GABRB3: variants seen among roughly 807,000 people sequenced by gnomAD.
GABRB3 encodes the protein gamma-aminobutyric acid type A receptor subunit beta3.
A neutral mutation model predicts 52.1 loss-of-function variants in GABRB3; 14 were observed. The observed-to-expected ratio is 0.27, with a 90% CI of 0.18 to 0.42. The LOEUF is 0.42. Ranked by LOEUF, GABRB3 falls within the 10% of genes least tolerant of loss-of-function variation. GABRB3 has a pLI of 1.00. For synonymous variants in GABRB3, 260 were observed against 232.3 expected (o/e 1.12, Z -1.08); for missense variants, 307 against 609.1 (o/e 0.50, Z 5.22).
At chr15:26,717,898 T>C (rs116007975) in intron 3 of GABRB3, among the ~76,000 whole-genome samples, 238 of 152,378 alleles carry the variant, frequency 1.6e-3, no homozygotes, top group African/African-American at 5.7e-3. Flanking sequence ...CCTTGATCCT[T>C]GTAAATGATA....
chr15:26,568,684 G>GTGGTTTTTTTTT (rs373552704), intron 6 of GABRB3, among the ~76,000 whole-genome samples: 232 of 133,726 alleles, frequency 1.7e-3, no homozygotes, highest in Non-Finnish European at 2.6e-3. Flanking sequence ...TTTTTTTTTG[G>GTGGTTTTTTTTT]TTTTGTATGT....
chr15:26,645,881 TC>T (rs1202486704), intron 3 of GABRB3, among the ~76,000 whole-genome samples: 2 of 151,914 alleles, frequency 1.3e-5, no homozygotes, highest in Non-Finnish European at 2.9e-5. Context: ...ATCCTCAGCC[TC>T]CCAATGGTCT....
intron 3 of GABRB3, among the ~76,000 whole-genome samples, chr15:26,685,260 G>T (rs1273689666): frequency 6.6e-6 from 1 of 152,204 alleles, no homozygotes; most frequent in Non-Finnish European, 1.5e-5. Context: ...CGTCTTCTCA[G>T]TGTCTGCTTA....
At chr15:26,575,787 T>C (rs1274030711) in intron 6 of GABRB3, among the ~76,000 whole-genome samples, 1 of 152,252 alleles carries the variant, frequency 6.6e-6, no homozygotes, top group Non-Finnish European at 1.5e-5. Flanking sequence ...TTATTCATTT[T>C]GCACCCTTCT....
At chr15:26,694,411 C>T (rs1951055149) in intron 3 of GABRB3, among the ~76,000 whole-genome samples, 1 of 152,130 alleles carries the variant, frequency 6.6e-6, no homozygotes, top group African/African-American at 2.4e-5. Flanking sequence ...TGTGTAATAA[C>T]AAGGAATCAC....
At chr15:26,565,721 C>G (rs1179935451) in intron 7 of GABRB3, among the ~76,000 whole-genome samples, 1 of 152,088 alleles carries the variant, frequency 6.6e-6, no homozygotes, top group East Asian at 1.9e-4. Flanking sequence ...CTGGGAAATT[C>G]AGATATGCAC....
chr15:26,593,195 A>G (rs1279637647), intron 4 of GABRB3, among the ~76,000 whole-genome samples: 1 of 152,176 alleles, frequency 6.6e-6, no homozygotes, highest in Admixed American at 6.6e-5. Flanking sequence ...AGAGGAGATG[A>G]TAGATACTGA....
rs907422047 is a variant in GABRB3 at position 26,616,115 on chromosome 15, G to A, written c.461+5199C>T. On this transcript the variant is annotated intron_variant, in intron 4 of 8. Transcript: ENST00000311550. ...TGGGTTACACACACTGGCCCACTCC[G>A]GGCCTGCCATGTCACCATCCAGCCA... is the stretch of plus-strand genomic sequence containing the variant. The A allele has an allele frequency of 4.3e-5, 55 of 1,275,574 alleles. No homozygotes were observed. In the Admixed American group the frequency reaches 9.0e-4, roughly 21 times the overall value. 79.0% of individuals were successfully genotyped at this position (1,275,574 alleles called of 1,614,324 possible). A position where few individuals can be genotyped will look rare whatever the true frequency, so the allele number is the denominator to read the frequency against.
intron 4 of GABRB3, among the ~76,000 whole-genome samples, chr15:26,598,744 G>A (rs1811093490): frequency 6.6e-6 from 1 of 152,058 alleles, no homozygotes; most frequent in Admixed American, 6.6e-5. Flanking sequence ...AACATTAGGG[G>A]GAAATAACAT....
chr15:26,650,592 G>C (rs1283675357), intron 3 of GABRB3, among the ~76,000 whole-genome samples: 1 of 151,996 alleles, frequency 6.6e-6, no homozygotes, highest in Non-Finnish European at 1.5e-5. Context: ...TTAAAGCCTG[G>C]AAGCTAAATT....
At chr15:26,701,921 A>G (rs1210661856) in intron 3 of GABRB3, among the ~76,000 whole-genome samples, 1 of 152,246 alleles carries the variant, frequency 6.6e-6, no homozygotes, top group Non-Finnish European at 1.5e-5. Flanking sequence ...GTCCAGAAAT[A>G]GACTGAAACA....
At position 26,757,638 on chromosome 15, in the gene GABRB3, C is replaced by CTA. The variant is rs1469067933; in HGVS notation, c.240+14762_240+14763dup. 7.2e-5 allele frequency among the ~76,000 whole-genome samples: 11 copies of CTA among 152,310 alleles called. No individual in the cohort carries two copies. The South Asian group carries it at 2.1e-3, about 29-fold the overall frequency. On this transcript the variant is annotated intron_variant, in intron 3 of 8. Transcript: ENST00000311550. ...AGGAAAGAGACAGTACAAGAATACA[C>CTA]TAATCAACACGGAGCAATTGAACTA... is the stretch of plus-strand genomic sequence containing the variant.
At chr15:26,679,253 C>T (rs187599163) in intron 3 of GABRB3, among the ~76,000 whole-genome samples, 1 of 152,208 alleles carries the variant, frequency 6.6e-6, no homozygotes, top group Non-Finnish European at 1.5e-5. Flanking sequence ...TAGCCCCTCA[C>T]TCACTGAGCA....
At chr15:26,767,564 G>A (rs1467484236) in intron 3 of GABRB3, among the ~76,000 whole-genome samples, 11 of 152,118 alleles carry the variant, frequency 7.2e-5, no homozygotes, top group African/African-American at 2.2e-4. Flanking sequence ...GAGGCTAGAC[G>A]TTCCCAGGGA....
At chr15:26,578,390 G>A (rs1890670034) in intron 6 of GABRB3, among the ~76,000 whole-genome samples, 1 of 152,168 alleles carries the variant, frequency 6.6e-6, no homozygotes, top group Non-Finnish European at 1.5e-5. Flanking sequence ...ACATGATACT[G>A]CATTCTGGTA....
intron 3 of GABRB3, among the ~76,000 whole-genome samples, chr15:26,754,117 G>C (rs967419025): frequency 2.6e-5 from 4 of 152,180 alleles, no homozygotes; most frequent in Admixed American, 6.5e-5. Context: ...TGATTTAAAG[G>C]AGATAGAGGG....
chr15:26,581,345 T>C (rs1890781148), intron 5 of GABRB3: 1 of 152,270 alleles, frequency 6.6e-6, no homozygotes, highest in Admixed American at 6.5e-5. Flanking sequence ...TTAATGTTAG[T>C]CAAACAAATG....
At chr15:26,561,667 G>A (rs11631940) in intron 7 of GABRB3, among the ~76,000 whole-genome samples, 31,865 of 152,206 alleles carry the variant, frequency 0.21, 3,549 homozygotes, top group Admixed American at 0.26. Context: ...GGCAGCCTGT[G>A]AGAAGAAAAT....
chr15:26,690,745 A>C (rs11635417), intron 3 of GABRB3, among the ~76,000 whole-genome samples: 80,798 of 151,314 alleles, frequency 0.53, 23,632 homozygotes, highest in East Asian at 0.85. Context: ...AGGGAGAAAA[A>C]GGTATTGGAT....
Sources: gnomAD v4.1 joint callset for allele counts (sites outside exome capture counted in the v4.1 genomes callset) on GRCh38, gnomAD v4.1.1 for gene constraint, MANE v1.5 for transcripts, NCBI Gene and HGNC (gene_info 2026-07-23, HGNC 2026-07-21) for gene names.